The following DDX31 variants were observed in gnomAD, a reference collection of about 807,000 sequenced individuals.
DDX31 encodes DEAD-box helicase 31.
In DDX31, 70 loss-of-function variants were observed where a neutral mutation model predicts 91.3. The ratio of observed to expected loss-of-function variants is 0.77; its 90% CI spans 0.63 to 0.94. The LOEUF (loss-of-function observed/expected upper bound fraction) is 0.94. Among genes scored for constraint, DDX31 ranks in the 40% least tolerant of loss-of-function variants. DDX31 has a pLI of 0.00. For synonymous variants in DDX31, 362 were observed against 350.6 expected (o/e 1.03, Z -0.36); for missense variants, 902 against 925.0 (o/e 0.98, Z 0.32).
chr9:132,607,299 T>C (rs1276753862), intron 19 of DDX31, among the ~76,000 whole-genome samples: 1 of 152,222 alleles, frequency 6.6e-6, no homozygotes, highest in Non-Finnish European at 1.5e-5. Context: ...CATGCCTTAT[T>C]TGATAAAATC....
intron 5 of DDX31, 35 bp from the exon 6 acceptor site, chr9:132,658,770 A>G: frequency 1.3e-6 from 2 of 1,596,200 alleles, no homozygotes; most frequent in Non-Finnish European, 1.7e-6. Flanking sequence ...TTAAAATCAC[A>G]CACCCTACAG....
At chr9:132,612,814 T>C (rs1831420778) in intron 18 of DDX31, among the ~76,000 whole-genome samples, 1 of 152,222 alleles carries the variant, frequency 6.6e-6, no homozygotes. Context: ...ATGAATGACA[T>C]TACCACCAAT....
Position 132,632,252 on chromosome 9 carries a change from A to ACACACACACACACACACAGTCCTG in DDX31, c.1441-162_1441-161insCAGGACTGTGTGTGTGTGTGTGTG, listed in dbSNP as rs1832805709. Reference sequence around the variant, plus strand: ...ATGCCCAGTACGTGTACACACACACACACACACACACACACACACACACAC... The same window carrying ACACACACACACACACACAGTCCTG: ...ATGCCCAGTACGTGTACACACACACACACACACACACACACACAGTCCTGCACACACACACACACACACACACAC... On this transcript the variant is annotated intron_variant, in intron 14 of 19. Coordinates refer to ENST00000372159, the MANE Select transcript of DDX31 (RefSeq NM_022779.9). Among the ~76,000 whole-genome samples the ACACACACACACACACACAGTCCTG allele has an allele frequency of 6.3e-5, 6 of 95,768 alleles. 1 individual carries two copies. Among genetic ancestry groups the ACACACACACACACACACAGTCCTG allele is most frequent in the Non-Finnish European group, 5.7e-5 (3 of 52,626 alleles). The allele number at this position is 95,768 out of a possible 152,430, so 62.8% of individuals were successfully genotyped here. A position where few individuals can be genotyped will look rare whatever the true frequency, so the allele number is the denominator to read the frequency against.
intron 19 of DDX31, among the ~76,000 whole-genome samples, chr9:132,609,058 G>T (rs974688775): frequency 1.2e-4 from 18 of 152,136 alleles, no homozygotes; most frequent in African/African-American, 3.1e-4. Context: ...AGGCAGGGGT[G>T]GGGGGAGGAT....
intron 14 of DDX31, chr9:132,637,794 A>G: frequency 1.0e-6 from 1 of 983,010 alleles, no homozygotes; most frequent in Non-Finnish European, 1.2e-6. Context: ...TCTCCAAATG[A>G]TCTTTCCATT....
intron 19 of DDX31, among the ~76,000 whole-genome samples, chr9:132,602,664 A>G (rs1046625548): frequency 1.3e-5 from 2 of 152,212 alleles, no homozygotes; most frequent in Non-Finnish European, 2.9e-5. Context: ...GATTTCCCCA[A>G]AGAATAGAAA....
At chr9:132,624,193 A>T (rs67339664) in intron 17 of DDX31, among the ~76,000 whole-genome samples, 1 of 143,200 alleles carries the variant, frequency 7.0e-6, no homozygotes, top group East Asian at 2.0e-4. Flanking sequence ...AAAAAAAAAA[A>T]GAAGAAACCA....
At position 132,646,959 on chromosome 9, in the gene DDX31, T is replaced by C. The variant is rs773453956; in HGVS notation, c.1067A>G (p.Gln356Arg). The change falls in exon 12 of 20, where the codon CAG (glutamine) becomes CGG (arginine). Residue 356 changes from glutamine (Q) to arginine (R), a missense_variant. Physicochemically the swap from Gln to Arg is conservative, Grantham distance 43 (BLOSUM62 1). Coordinates refer to ENST00000372159, the MANE Select transcript of DDX31 (RefSeq NM_022779.9). ...DQLNPKDKAV[Q>R]EVCPPPAGDK... ...GCCAGCTGGTGGAGGACAGACCTCC[T>C]GGACCGCTTTGTCCTTTGGGTTCAA... 20 of 1,614,104 alleles carry C rather than the reference T, an allele frequency of 1.2e-5. No homozygotes were observed. The highest frequency in any genetic ancestry group is 3.3e-5 in the Admixed American group (2 of 60,010).
At chr9:132,638,312 T>C (rs1402813695) in intron 14 of DDX31, 2 of 1,613,922 alleles carry the variant, frequency 1.2e-6, no homozygotes, top group East Asian at 2.2e-5. Context: ...GTCAACATAA[T>C]GATGGTATTA....
intron 1 of DDX31, among the ~76,000 whole-genome samples, chr9:132,665,346 A>G (rs1037962989): frequency 1.3e-5 from 2 of 152,232 alleles, no homozygotes; most frequent in Non-Finnish European, 2.9e-5. Flanking sequence ...TGAAGATACA[A>G]AGTAGATTTG....
intron 1 of DDX31, among the ~76,000 whole-genome samples, chr9:132,665,015 G>C (rs1210552198): frequency 6.6e-6 from 1 of 152,082 alleles, no homozygotes; most frequent in Admixed American, 6.6e-5. Flanking sequence ...TCTGTTCTTG[G>C]CTCTCCTGGC....
chr9:132,597,522 A>G lies in DDX31; in HGVS notation c.1995-2410T>C, dbSNP rs373655635. 9.9e-5 allele frequency among the ~76,000 whole-genome samples: 15 copies of G among 152,256 alleles called. 1 individual carries two copies. Among genetic ancestry groups the G allele is most frequent in the Non-Finnish European group, 2.1e-4 (14 of 68,048 alleles). ...CAAAATATGCAAAATTTCAGTCAAAATATGCTCCCCAGCATAAGCTCCAGC... is the reference window on the plus strand; with the variant it reads ...CAAAATATGCAAAATTTCAGTCAAAGTATGCTCCCCAGCATAAGCTCCAGC... On this transcript the variant is annotated intron_variant, in intron 19 of 19. Coordinates refer to ENST00000372159, the MANE Select transcript of DDX31 (RefSeq NM_022779.9).
intron 19 of DDX31, 27 bp downstream of exon 19, chr9:132,612,060 T>C: frequency 6.2e-7 from 1 of 1,605,874 alleles, no homozygotes; most frequent in Non-Finnish European, 8.5e-7. Flanking sequence ...TCTAGCCCCG[T>C]CACGGGACGA....
intron 1 of DDX31, among the ~76,000 whole-genome samples, chr9:132,665,531 G>T (rs779314718): frequency 7.9e-5 from 12 of 152,156 alleles, no homozygotes; most frequent in Non-Finnish European, 1.5e-4. Context: ...AGAAAACCAA[G>T]AATGCTTCGT....
At position 132,661,351 on chromosome 9, in the gene DDX31, C is replaced by G. The variant is rs1387275204; in HGVS notation, c.409-100G>C. 8 of 1,039,934 alleles carry G rather than the reference C, an allele frequency of 7.7e-6. No homozygotes were observed. In the East Asian group the frequency reaches 2.0e-4, roughly 25 times the overall value. 64.4% of individuals were successfully genotyped at this position (1,039,934 alleles called of 1,614,324 possible). A position where few individuals can be genotyped will look rare whatever the true frequency, so the allele number is the denominator to read the frequency against. ...GAAACTATTGAGAGAACATTGACTA[C>G]TATGATCAAATTAAGTTCCTCCACC... On this transcript the variant is annotated intron_variant, in intron 3 of 19. Transcript: ENST00000372159.
At chr9:132,643,227 C>T (rs147884837) in intron 13 of DDX31, among the ~76,000 whole-genome samples, 233 of 152,238 alleles carry the variant, frequency 1.5e-3, no homozygotes, top group African/African-American at 4.9e-3. Flanking sequence ...GAAACAGACT[C>T]GCTGGACCAA....
intron 9 of DDX31, among the ~76,000 whole-genome samples, chr9:132,649,408 G>A (rs11793607): frequency 0.096 from 14,639 of 152,270 alleles, 837 homozygotes; most frequent in Admixed American, 0.17. Context: ...AATGGTTGGA[G>A]TGCCTGCAAC....
In DDX31 at chr9:132,635,981, C is replaced by T. The variant is rs1007803829; in HGVS notation, c.1441-3890G>A. ...GAAGAAGAAAAAGAAAAGAAACACA[C>T]TCCTGCTTCCCCCAGCGTCGGAGGC... is the stretch of plus-strand genomic sequence containing the variant. On this transcript the variant is annotated intron_variant, in intron 14 of 19. Transcript: ENST00000372159. 3.9e-5 allele frequency among the ~76,000 whole-genome samples: 6 copies of T among 152,098 alleles called. No individual in the cohort carries two copies. In the East Asian group the frequency reaches 5.8e-4, roughly 15 times the overall value.
intron 18 of DDX31, among the ~76,000 whole-genome samples, chr9:132,617,411 C>T (rs1831710768): frequency 6.6e-6 from 1 of 152,028 alleles, no homozygotes; most frequent in Non-Finnish European, 1.5e-5. Context: ...CTGCACCCCA[C>T]TAACATGTTG....
Sources: gnomAD v4.1 joint callset for allele counts (sites outside exome capture counted in the v4.1 genomes callset) on GRCh38, gnomAD v4.1.1 for gene constraint, MANE v1.5 for transcripts, NCBI Gene and HGNC (gene_info 2026-07-23, HGNC 2026-07-21) for gene names.